The following RCAN2 variants were observed in gnomAD, a reference collection of about 807,000 sequenced individuals.
The protein encoded by RCAN2 is calcipressin-2.
A neutral mutation model predicts 23.6 loss-of-function variants in RCAN2; 9 were observed. The ratio of observed to expected loss-of-function variants is 0.38; its 90% CI spans 0.23 to 0.67. The LOEUF is 0.67. Among genes scored for constraint, RCAN2 ranks in the 30% least tolerant of loss-of-function variants. The probability of loss-of-function intolerance (pLI) is 0.51; values close to 1 mark genes in which losing one functional copy is unlikely to be tolerated. For missense variants in RCAN2, 273 were observed against 302.3 expected (o/e 0.90, Z 0.72); for synonymous variants, 109 against 115.7 (o/e 0.94, Z 0.37).
chr6:46,246,694 GC>G, intron 4 of RCAN2, 53 bp downstream of exon 4: 1 of 1,521,916 alleles, frequency 6.6e-7, no homozygotes, highest in Non-Finnish European at 9.1e-7. Context: ...ATCTCATTTG[GC>G]TTTTCTAGGT....
intron 2 of RCAN2, among the ~76,000 whole-genome samples, chr6:46,338,248 G>A (rs1443868312): frequency 1.3e-5 from 2 of 152,188 alleles, no homozygotes; most frequent in African/African-American, 4.8e-5. Flanking sequence ...GAAGACCACA[G>A]CCAAAATGAT....
At chr6:46,491,869 C>A (rs1312249074), upstream of RCAN2, 1 of 152,298 alleles carries the variant, frequency 6.6e-6, no homozygotes, top group African/African-American at 2.4e-5. Flanking sequence ...ACTCTTCTTA[C>A]CAGATGTCTG....
intron 2 of RCAN2, among the ~76,000 whole-genome samples, chr6:46,388,146 C>T (rs556795275): frequency 3.0e-4 from 46 of 151,940 alleles, no homozygotes; most frequent in African/African-American, 1.0e-3. Context: ...GAGATATACC[C>T]AATGTAAATG....
intron 2 of RCAN2, among the ~76,000 whole-genome samples, chr6:46,371,413 C>A (rs1396146989): frequency 6.6e-6 from 1 of 152,146 alleles, no homozygotes; most frequent in Non-Finnish European, 1.5e-5. Context: ...GTCAGGCTTC[C>A]GCCATCATAT....
chr6:46,316,652 C>T (rs1016610944), intron 2 of RCAN2, among the ~76,000 whole-genome samples: 2 of 152,226 alleles, frequency 1.3e-5, no homozygotes, highest in African/African-American at 2.4e-5. Flanking sequence ...CCATAGAAGG[C>T]ATTCAATGTA....
chr6:46,439,231 A>G (rs1394909123), intron 2 of RCAN2, among the ~76,000 whole-genome samples: 1 of 152,220 alleles, frequency 6.6e-6, no homozygotes, highest in African/African-American at 2.4e-5. Flanking sequence ...AGCACAATTT[A>G]AAAATGTACC....
chr6:46,358,507 AG>A (rs1764907772), intron 2 of RCAN2, among the ~76,000 whole-genome samples: 1 of 152,204 alleles, frequency 6.6e-6, no homozygotes, highest in Non-Finnish European at 1.5e-5. Context: ...GAACATCAGC[AG>A]GAACTAAGCC....
chr6:46,314,359 C>CAAAAAAAAAAAAAAAA (rs537111154), intron 2 of RCAN2, among the ~76,000 whole-genome samples: 1 of 92,218 alleles, frequency 1.1e-5, no homozygotes, highest in Non-Finnish European at 2.3e-5. Context: ...GAGACTCTGT[C>CAAAAAAAAAAAAAAAA]AAAAAAAAAA....
At chr6:46,404,914 T>G (rs1766353742) in intron 2 of RCAN2, among the ~76,000 whole-genome samples, 1 of 152,196 alleles carries the variant, frequency 6.6e-6, no homozygotes, top group Non-Finnish European at 1.5e-5. Context: ...TATGTTCTCA[T>G]GAGTGTATTG....
chr6:46,348,331 A>G (rs1764549488), intron 2 of RCAN2, among the ~76,000 whole-genome samples: 1 of 152,240 alleles, frequency 6.6e-6, no homozygotes, highest in Non-Finnish European at 1.5e-5. Flanking sequence ...CTCTGTTCTT[A>G]AAGAGTTGTA....
At chr6:46,296,066 C>CGTGTGT (rs60947209) in intron 2 of RCAN2, among the ~76,000 whole-genome samples, 1,811 of 138,496 alleles carry the variant, frequency 0.013, 44 homozygotes, top group African/African-American at 0.026. Flanking sequence ...CCAATAGCTT[C>CGTGTGT]GTGTGTGTGT....
chr6:46,490,931 G>A (rs376351873), intron 1 of RCAN2, among the ~76,000 whole-genome samples: 1 of 151,862 alleles, frequency 6.6e-6, no homozygotes, highest in South Asian at 2.1e-4. Flanking sequence ...GGGGTCGCGG[G>A]AGATCTCCGT....
intron 2 of RCAN2, among the ~76,000 whole-genome samples, chr6:46,288,240 A>G (rs1267969832): frequency 6.6e-6 from 1 of 152,264 alleles, no homozygotes; most frequent in African/African-American, 2.4e-5. Flanking sequence ...CCAGTCAACT[A>G]AAATTAAACC....
chr6:46,279,796 T>C (rs978692550), intron 2 of RCAN2, among the ~76,000 whole-genome samples: 1 of 152,112 alleles, frequency 6.6e-6, no homozygotes, highest in Non-Finnish European at 1.5e-5. Context: ...ATCTGCAAAA[T>C]AGGAATAATA....
At chr6:46,447,177 G>T (rs572174094) in intron 2 of RCAN2, among the ~76,000 whole-genome samples, 2 of 151,996 alleles carry the variant, frequency 1.3e-5, no homozygotes, top group South Asian at 4.1e-4. Context: ...AGGAGAGCAA[G>T]GTAGCTATTT....
intron 2 of RCAN2, among the ~76,000 whole-genome samples, chr6:46,256,277 G>T (rs779628200): frequency 1.3e-5 from 2 of 152,106 alleles, no homozygotes; most frequent in African/African-American, 2.4e-5. Context: ...GGCTCAGGCA[G>T]GAGAATCACT....
intron 2 of RCAN2, among the ~76,000 whole-genome samples, chr6:46,414,736 C>T (rs534285732): frequency 6.6e-6 from 1 of 152,322 alleles, no homozygotes; most frequent in East Asian, 1.9e-4. Context: ...GCTGGCTTCC[C>T]TTGCAGATTT....
At chr6:46,355,198 A>G (rs1302273239) in intron 2 of RCAN2, among the ~76,000 whole-genome samples, 1 of 152,130 alleles carries the variant, frequency 6.6e-6, no homozygotes, top group Non-Finnish European at 1.5e-5. Flanking sequence ...TTTAAAGTAA[A>G]CTTCTTATAA....
chr6:46,326,691 C>T (rs1763806158), intron 2 of RCAN2, among the ~76,000 whole-genome samples: 1 of 152,178 alleles, frequency 6.6e-6, no homozygotes, highest in Non-Finnish European at 1.5e-5. Context: ...CAGTATCTAT[C>T]CTTAAGAGTT....
Sources: gnomAD v4.1 joint callset for allele counts (sites outside exome capture counted in the v4.1 genomes callset) on GRCh38, gnomAD v4.1.1 for gene constraint, MANE v1.5 for transcripts, NCBI Gene and HGNC (gene_info 2026-07-23, HGNC 2026-07-21) for gene names.